ASH1L: variants seen among roughly 807,000 people sequenced by gnomAD.
ASH1L encodes histone-lysine N-methyltransferase ASH1L.
A neutral mutation model predicts 269.0 loss-of-function variants in ASH1L; 23 were observed. That is an observed-to-expected ratio of 0.09 (90% CI 0.06 to 0.12). The LOEUF is 0.12. Ranked by LOEUF, ASH1L falls within the 10% of genes least tolerant of loss-of-function variation. The probability of loss-of-function intolerance (pLI) is 1.00; values close to 1 mark genes in which losing one functional copy is unlikely to be tolerated. For missense variants in ASH1L, 2,912 were observed against 3,567.8 expected, an observed-to-expected ratio of 0.82 and a Z score of 4.68; for synonymous variants, 1,187 against 1,253.5, an observed-to-expected ratio of 0.95 and a Z score of 1.12.
At chr1:155,562,116 C>G in intron 1 of ASH1L, 37 bp downstream of exon 1, 1 of 1,348,226 alleles carries the variant, frequency 7.4e-7, no homozygotes, top group Non-Finnish European at 1.0e-6. Context: ...TGAGAGAGTG[C>G]TTAGGCCCGA....
chr1:155,343,792 T>C lies in ASH1L; in HGVS notation c.7982-50A>G, dbSNP rs768442448. ...AAACATAAAACAATTCTTGTATGAA[T>C]TCTGTTAGGCATCTGTTTATCTGAC... is the stretch of plus-strand genomic sequence containing the variant. On this transcript the variant is annotated intron_variant, in intron 22 of 27. Transcript: ENST00000392403. The surrounding 1 kb of genome is among the most constrained non-coding windows in gnomAD (Gnocchi z 6.1). The C allele has an allele frequency of 6.2e-7, 1 of 1,601,070 alleles. No homozygotes were observed. Among genetic ancestry groups the C allele is most frequent in the Non-Finnish European group, 8.5e-7 (1 of 1,172,436 alleles).
In ASH1L at chr1:155,562,758, G is replaced by T. The variant is rs1411130688; in HGVS notation, c.-705C>A. 1 of 1,068,152 alleles carries T rather than the reference G, an allele frequency of 9.4e-7. No individual in the cohort carries two copies. 66.2% of individuals were successfully genotyped at this position (1,068,152 alleles called of 1,614,324 possible). A position where few individuals can be genotyped will look rare whatever the true frequency, so the allele number is the denominator to read the frequency against. On this transcript the variant is annotated 5_prime_UTR_variant, in exon 1 of 28. Transcript: ENST00000392403. ...CCTCAGGCCCTGTCAAGCCGGCGCC[G>T]GCGCAGGCCCTCACGCGTACCTTCA...
chr1:155,347,989 C>T, intron 19 of ASH1L, 85 bp from the exon 20 acceptor site: 2 of 1,545,532 alleles, frequency 1.3e-6, no homozygotes, highest in Middle Eastern at 1.7e-4. Flanking sequence ...GGTAGCATGA[C>T]TTTCTTTACC....
chr1:155,522,143 T>C (rs1668930977), intron 1 of ASH1L, among the ~76,000 whole-genome samples: 1 of 152,228 alleles, frequency 6.6e-6, no homozygotes, highest in African/African-American at 2.4e-5. Flanking sequence ...AAAAATTCTT[T>C]TTAAATTATC....
intron 1 of ASH1L, among the ~76,000 whole-genome samples, chr1:155,531,478 C>A (rs1320007065): frequency 6.6e-6 from 1 of 151,768 alleles, no homozygotes; most frequent in Non-Finnish European, 1.5e-5. Context: ...CATTTTTTAT[C>A]TGCACTTAAT....
intron 2 of ASH1L, among the ~76,000 whole-genome samples, chr1:155,499,785 T>C (rs565676062): frequency 6.9e-4 from 105 of 152,314 alleles, no homozygotes; most frequent in Non-Finnish European, 1.0e-3. Context: ...TAATGATATT[T>C]AGGCTTAATT....
intron 12 of ASH1L, among the ~76,000 whole-genome samples, chr1:155,365,213 G>GC (rs1345636959): frequency 6.7e-6 from 1 of 150,024 alleles, no homozygotes; most frequent in African/African-American, 2.4e-5. Flanking sequence ...TGACAGCTTT[G>GC]TTTTTTTTTG....
chr1:155,533,690 C>A (rs571675913), intron 1 of ASH1L, among the ~76,000 whole-genome samples: 5 of 151,088 alleles, frequency 3.3e-5, no homozygotes, highest in African/African-American at 7.3e-5. Flanking sequence ...CTCCATTCAG[C>A]CTGGATGACA....
intron 3 of ASH1L, among the ~76,000 whole-genome samples, chr1:155,472,091 A>G (rs1665145807): frequency 6.6e-6 from 1 of 152,098 alleles, no homozygotes; most frequent in Admixed American, 6.6e-5. Flanking sequence ...AGGAGTTTGA[A>G]ACTAGCCTGG....
chr1:155,546,657 C>T (rs963704084), intron 1 of ASH1L, among the ~76,000 whole-genome samples: 4 of 151,750 alleles, frequency 2.6e-5, no homozygotes, highest in Admixed American at 2.6e-4. Context: ...ACTCGGGAGG[C>T]TGAGGCAGGA....
chr1:155,452,123 C>T (rs976640583), intron 4 of ASH1L, among the ~76,000 whole-genome samples: 1 of 151,200 alleles, frequency 6.6e-6, no homozygotes, highest in Non-Finnish European at 1.5e-5. Flanking sequence ...ACTGCAACCT[C>T]CACCTCCTGG....
Position 155,438,963 on chromosome 1 carries a change from T to C in ASH1L, c.5192A>G (p.Glu1731Gly), listed in dbSNP as rs772704516. The C allele has an allele frequency of 6.2e-7, 1 of 1,614,198 alleles. No homozygotes were observed. The highest frequency in any genetic ancestry group is 8.5e-7 in the Non-Finnish European group (1 of 1,180,038). ...TGCAATCACAGCATCAATACTTTTC[T>C]CCATGGGCTCTTGGTCCTCATTTTG... ...MVQNEDQEPM[E>G]KSIDAVIATA... The change falls in exon 5 of 28, where the codon GAG becomes GGG. Residue 1731 changes from glutamate (E) to glycine (G), a missense_variant. This residue lies in a region of ASH1L where 789 missense variants were observed against 897.6 expected (regional missense o/e 0.88). Coordinates refer to ENST00000392403, the MANE Select transcript of ASH1L (RefSeq NM_018489.3).
At chr1:155,366,893 C>T (rs1463027256) in intron 12 of ASH1L, among the ~76,000 whole-genome samples, 1 of 151,582 alleles carries the variant, frequency 6.6e-6, no homozygotes, top group African/African-American at 2.4e-5. Context: ...CTAGGGTGGT[C>T]TCGAACTCCT....
chr1:155,491,663 G>A (rs1271331900), intron 2 of ASH1L, among the ~76,000 whole-genome samples: 1 of 151,772 alleles, frequency 6.6e-6, no homozygotes, highest in Non-Finnish European at 1.5e-5. Flanking sequence ...TTTGTTTTGG[G>A]GTTTTTTCTC....
At position 155,357,403 on chromosome 1, in the gene ASH1L, T is replaced by C. The variant is rs759290621; in HGVS notation, c.6968A>G (p.His2323Arg). 1.2e-6 allele frequency: 2 copies of C among 1,611,534 alleles called. No individual in the cohort carries two copies. The highest frequency in any genetic ancestry group is 1.1e-5 in the South Asian group (1 of 90,972). ...SKHKLKKRRG[H>R]LSEEPSENIN... ...ATTTTCACTGGGTTCCTCAGAGAGA[T>C]GGCCTCTCTGAAAAAGAGATGGATC... The change falls in exon 15 of 28, where the codon CAT becomes CGT. Residue 2323 changes from histidine to arginine, a missense_variant. This residue lies in a region of ASH1L where 309 missense variants were observed against 435.1 expected (regional missense o/e 0.71). Transcript: ENST00000392403.
In ASH1L at chr1:155,512,136, TC is replaced by T. The variant is rs796382299; in HGVS notation, c.420+8963del. ...CAAGATTGTTTCTTATTCTCTTATTTCCCTATGGTCAGTAAAGGAGAAAATA... is the reference window on the plus strand; with the variant it reads ...CAAGATTGTTTCTTATTCTCTTATTTCCTATGGTCAGTAAAGGAGAAAATA... On this transcript the variant is annotated intron_variant, in intron 2 of 27. Transcript: ENST00000392403. Among the ~76,000 whole-genome samples, 386 of 152,216 alleles carry T rather than the reference TC, an allele frequency of 2.5e-3. 2 individuals are homozygous for T. The highest frequency in any genetic ancestry group is 8.8e-3 in the African/African-American group (367 of 41,540).
At chr1:155,487,009 T>C (rs1002535493) in intron 2 of ASH1L, among the ~76,000 whole-genome samples, 5 of 151,644 alleles carry the variant, frequency 3.3e-5, no homozygotes, top group African/African-American at 7.3e-5. Flanking sequence ...GAAATGAAAA[T>C]ACAAAATTAG....
In ASH1L at chr1:155,338,371, G is replaced by A. The variant is rs374632511; in HGVS notation, c.8521C>T (p.Arg2841Cys). 1.8e-5 allele frequency: 29 copies of A among 1,612,778 alleles called. No homozygotes were observed. Among genetic ancestry groups the A allele is most frequent in the African/African-American group, 5.3e-5 (4 of 74,810 alleles). The change falls in exon 27 of 28, where the codon CGC becomes TGC. Residue 2841 changes from arginine (R) to cysteine (C), a missense_variant. Coordinates refer to ENST00000392403, the MANE Select transcript of ASH1L (RefSeq NM_018489.3). ...AAGTCTTTTAGGGGTGGCTTTGAGC[G>A]CTCAGACTTCCAGGATGATCTGCCA... ...NGGRSSWKSE[R>C]SKPPLKDLGQ...
chr1:155,390,636 C>G (rs935209260), intron 7 of ASH1L, among the ~76,000 whole-genome samples: 1 of 133,662 alleles, frequency 7.5e-6, no homozygotes, highest in East Asian at 2.7e-4. Context: ...TCATTCTCCC[C>G]CCCCCCCCTT....
Sources: gnomAD v4.1 joint callset for allele counts (sites outside exome capture counted in the v4.1 genomes callset) on GRCh38, gnomAD v4.1.1 for gene constraint, gnomAD v4.1.1 regional missense constraint, Gnocchi (gnomAD v3.1) non-coding constraint, MANE v1.5 for transcripts, NCBI Gene and HGNC (gene_info 2026-07-23, HGNC 2026-07-21) for gene names.